The following RNF13 variants were observed in gnomAD, a reference collection of about 807,000 sequenced individuals.
RNF13 encodes the protein E3 ubiquitin-protein ligase RNF13.
Under a neutral mutation model 37.7 loss-of-function variants are expected in RNF13, and 19 were observed. That is an observed-to-expected ratio of 0.50 (90% CI 0.35 to 0.74). The LOEUF is 0.74. Among genes scored for constraint, RNF13 ranks in the 30% least tolerant of loss-of-function variants. The probability of loss-of-function intolerance (pLI) is 0.01; values close to 1 mark genes in which losing one functional copy is unlikely to be tolerated. For missense variants in RNF13, 375 were observed against 453.0 expected (o/e 0.83, Z 1.56); for synonymous variants, 144 against 157.8 (o/e 0.91, Z 0.65).
chr3:149,881,488 G>A (rs561290021), intron 4 of RNF13, among the ~76,000 whole-genome samples: 21 of 152,054 alleles, frequency 1.4e-4, no homozygotes, highest in East Asian at 1.9e-4. Context: ...CCACCACCAG[G>A]CCTGGCTAAT....
At chr3:149,937,318 A>G (rs1255728318) in intron 8 of RNF13, among the ~76,000 whole-genome samples, 1 of 152,200 alleles carries the variant, frequency 6.6e-6, no homozygotes, top group African/African-American at 2.4e-5. Flanking sequence ...TCTCCAGGAT[A>G]GGAACCGTAA....
At chr3:149,815,344 C>T (rs553369405) in intron 1 of RNF13, among the ~76,000 whole-genome samples, 4 of 152,182 alleles carry the variant, frequency 2.6e-5, no homozygotes, top group South Asian at 2.1e-4. Flanking sequence ...GGTCAACTAT[C>T]ATGGTATGTT....
chr3:149,910,536 G>A (rs973630963), intron 6 of RNF13, among the ~76,000 whole-genome samples: 89 of 152,068 alleles, frequency 5.9e-4, no homozygotes, highest in African/African-American at 2.0e-3. Context: ...AAATAGTCTC[G>A]GAAAAAAATA....
intron 6 of RNF13, among the ~76,000 whole-genome samples, chr3:149,902,815 T>A (rs1289668898): frequency 2.0e-5 from 3 of 152,072 alleles, no homozygotes; most frequent in African/African-American, 7.2e-5. Context: ...CAGACTTTGG[T>A]CTAAGAGGAA....
chr3:149,947,977 T>A (rs989302144), intron 8 of RNF13, among the ~76,000 whole-genome samples: 4 of 152,120 alleles, frequency 2.6e-5, no homozygotes, highest in Admixed American at 6.6e-5. Context: ...TGAGAAGGAG[T>A]CTTGCTCTGT....
chr3:149,857,870 T>G (rs948026174), intron 3 of RNF13, among the ~76,000 whole-genome samples: 1 of 152,164 alleles, frequency 6.6e-6, no homozygotes, highest in Non-Finnish European at 1.5e-5. Context: ...GGTTTTTTTG[T>G]CCCCACCAAA....
chr3:149,826,227 C>T (rs1284558415), intron 1 of RNF13, among the ~76,000 whole-genome samples: 1 of 152,190 alleles, frequency 6.6e-6, no homozygotes, highest in Non-Finnish European at 1.5e-5. Context: ...AAGCTATCAC[C>T]TGTGGTTGAT....
intron 1 of RNF13, among the ~76,000 whole-genome samples, chr3:149,816,689 T>C (rs1359105956): frequency 1.3e-5 from 2 of 152,180 alleles, no homozygotes; most frequent in African/African-American, 2.4e-5. Flanking sequence ...CTGGTAAAGA[T>C]AGATGGATAC....
At position 149,839,611 on chromosome 3, in the gene RNF13, C is replaced by A. The variant is rs879552270; in HGVS notation, c.-16-6400C>A. Among the ~76,000 whole-genome samples, 275 of 149,786 alleles carry A rather than the reference C, an allele frequency of 1.8e-3. 1 individual carries two copies. The highest frequency in any genetic ancestry group is 3.4e-3 in the Middle Eastern group (1 of 290). On this transcript the variant is annotated intron_variant, in intron 1 of 9. Transcript: ENST00000392894. ...TCAGTTCACATGAGACTTACTCACT[C>A]TCATGAGAATAGCATGGGAAAGACC...
intron 6 of RNF13, among the ~76,000 whole-genome samples, chr3:149,902,453 A>G (rs1235824819): frequency 6.6e-6 from 1 of 152,060 alleles, no homozygotes. Context: ...TTTTAAAACA[A>G]TGCAATTTAT....
intron 8 of RNF13, among the ~76,000 whole-genome samples, chr3:149,944,094 G>T (rs1162850404): frequency 1.3e-5 from 2 of 152,086 alleles, no homozygotes; most frequent in African/African-American, 4.8e-5. Flanking sequence ...AGTTTGCTGA[G>T]AATGATGGTT....
chr3:149,840,085 A>G (rs916785329), intron 1 of RNF13, among the ~76,000 whole-genome samples: 4 of 152,352 alleles, frequency 2.6e-5, no homozygotes, highest in Non-Finnish European at 5.9e-5. Flanking sequence ...AACTGGTTTA[A>G]AACAGTTTCG....
chr3:149,934,282 G>A (rs1719465638), intron 8 of RNF13, among the ~76,000 whole-genome samples: 2 of 151,816 alleles, frequency 1.3e-5, no homozygotes, highest in Admixed American at 6.6e-5. Context: ...AAGGTATGTG[G>A]ACTTTATCTT....
intron 7 of RNF13, among the ~76,000 whole-genome samples, chr3:149,915,006 A>AT (rs1717363035): frequency 6.6e-6 from 1 of 152,006 alleles, no homozygotes; most frequent in African/African-American, 2.4e-5. Flanking sequence ...ATTGTGCTAT[A>AT]TTTTTTGGGA....
In RNF13 at chr3:149,912,050, G is replaced by A; in HGVS notation, c.573G>A (p.Val191=). ...ACCTAATTCCCTTCCTTATCATAGT[G>A]GGCATCTGTCTCATCTTGATAGTCA... ...EYYLIPFLII[V]GICLILIVIF... The change falls in exon 7 of 10, where the codon GTG becomes GTA. Residue 191 remains valine (V), a synonymous_variant. Transcript: ENST00000392894. The A allele has an allele frequency of 6.3e-7, 1 of 1,585,674 alleles. No homozygotes were observed. The highest frequency in any genetic ancestry group is 8.7e-7 in the Non-Finnish European group (1 of 1,155,388).
intron 8 of RNF13, among the ~76,000 whole-genome samples, chr3:149,946,062 A>G (rs1014751835): frequency 6.6e-6 from 1 of 152,222 alleles, no homozygotes; most frequent in African/African-American, 2.4e-5. Context: ...ACAAAGCTGG[A>G]TGGAGAATGA....
chr3:149,817,536 A>G (rs191087944), intron 1 of RNF13, among the ~76,000 whole-genome samples: 1 of 152,308 alleles, frequency 6.6e-6, no homozygotes, highest in Admixed American at 6.5e-5. Flanking sequence ...TGTCTTTGTT[A>G]CCTTGAATTG....
intron 3 of RNF13, among the ~76,000 whole-genome samples, chr3:149,862,165 A>T (rs1192914651): frequency 6.6e-6 from 1 of 152,074 alleles, no homozygotes; most frequent in Non-Finnish European, 1.5e-5. Context: ...AAAATTATAC[A>T]ATTTATTATA....
chr3:149,938,078 A>G (rs1040686924), intron 8 of RNF13, among the ~76,000 whole-genome samples: 4 of 152,038 alleles, frequency 2.6e-5, no homozygotes, highest in Admixed American at 6.6e-5. Context: ...TTGCAGTTCT[A>G]TCAATTTTTG....
Sources: gnomAD v4.1 joint callset for allele counts (sites outside exome capture counted in the v4.1 genomes callset) on GRCh38, gnomAD v4.1.1 for gene constraint, MANE v1.5 for transcripts, NCBI Gene and HGNC (gene_info 2026-07-23, HGNC 2026-07-21) for gene names.